Variants in GALNT17 observed in about 807,000 individuals in gnomAD.
GALNT17 encodes polypeptide N-acetylgalactosaminyltransferase 17, also known as UDP-GalNAc:polypeptide N-acetylgalactosaminyltransferase-like 3.
GALNT17 carries 29 observed loss-of-function variants against 63.7 expected under a neutral mutation model. The ratio of observed to expected loss-of-function variants is 0.46; its 90% CI spans 0.34 to 0.62. The LOEUF (loss-of-function observed/expected upper bound fraction) is 0.62, where lower values mean the gene tolerates loss of function less well. Ranked by LOEUF, GALNT17 falls within the 20% of genes least tolerant of loss-of-function variation. The pLI is 0.01. For synonymous variants in GALNT17, 305 were observed against 318.3 expected, an observed-to-expected ratio of 0.96 and a Z score of 0.45; for missense variants, 603 against 799.6, an observed-to-expected ratio of 0.75 and a Z score of 2.97.
chr7:71,457,065 A>T (rs946681699), intron 5 of GALNT17, among the ~76,000 whole-genome samples: 2 of 152,106 alleles, frequency 1.3e-5, no homozygotes, highest in Admixed American at 1.3e-4. Context: ...TTTTTACAAA[A>T]ACAATAGAGG....
intron 1 of GALNT17, among the ~76,000 whole-genome samples, chr7:71,176,848 A>G (rs1350556495): frequency 2.0e-5 from 3 of 152,144 alleles, no homozygotes; most frequent in African/African-American, 2.4e-5. Flanking sequence ...CGTTGATTTC[A>G]TCTAGCAGGC....
At chr7:71,616,283 C>T (rs1008140660) in intron 6 of GALNT17, among the ~76,000 whole-genome samples, 1 of 151,744 alleles carries the variant, frequency 6.6e-6, no homozygotes, top group Admixed American at 6.6e-5. Flanking sequence ...ATTCCAGATT[C>T]TTTCCCCCCC....
chr7:71,277,056 G>C (rs373980982), intron 1 of GALNT17, among the ~76,000 whole-genome samples: 1 of 152,012 alleles, frequency 6.6e-6, no homozygotes, highest in African/African-American at 2.4e-5. Flanking sequence ...TCTTCATAGC[G>C]GTATGAAAAT....
At chr7:71,415,183 A>G (rs901997425) in intron 3 of GALNT17, among the ~76,000 whole-genome samples, 2 of 152,008 alleles carry the variant, frequency 1.3e-5, no homozygotes, top group Non-Finnish European at 2.9e-5. Context: ...ATCAGTCTTT[A>G]TGTCTATAGA....
At chr7:71,656,647 A>T (rs1790832623) in intron 6 of GALNT17, among the ~76,000 whole-genome samples, 1 of 152,040 alleles carries the variant, frequency 6.6e-6, no homozygotes, top group Non-Finnish European at 1.5e-5. Flanking sequence ...AGCTTGCACC[A>T]AGGTGATGAG....
In GALNT17 at chr7:71,600,681, T is replaced by C. The variant is rs769939322; in HGVS notation, c.1080+29279T>C. ...GGACTGACCTGTGTCCCTGGAGGAATGGGACCTAAAGGAGCTGATTAGAGG... is the reference window on the plus strand; with the variant it reads ...GGACTGACCTGTGTCCCTGGAGGAACGGGACCTAAAGGAGCTGATTAGAGG... On this transcript the variant is annotated intron_variant, in intron 6 of 10. Transcript: ENST00000333538. 1.3e-3 allele frequency among the ~76,000 whole-genome samples: 191 copies of C among 152,318 alleles called. 1 individual carries two copies. Among genetic ancestry groups the C allele is most frequent in the African/African-American group, 4.3e-3 (180 of 41,576 alleles).
Position 71,259,266 on chromosome 7 carries a change from C to T in GALNT17, c.239-76284C>T, listed in dbSNP as rs927451814. ...TCAGAGGGAGTTGGAAAAGAAGGAG[C>T]AACAGAAGCAAGTTGTTCCAGCCAG... On this transcript the variant is annotated intron_variant, in intron 1 of 10. Coordinates refer to ENST00000333538, the MANE Select transcript of GALNT17 (RefSeq NM_022479.3). Among the ~76,000 whole-genome samples, 4 of 152,146 alleles carry T rather than the reference C, an allele frequency of 2.6e-5. No homozygotes were observed. The East Asian group carries it at 7.7e-4, about 29-fold the overall frequency.
At chr7:71,210,297 A>G (rs1789352322) in intron 1 of GALNT17, among the ~76,000 whole-genome samples, 1 of 152,030 alleles carries the variant, frequency 6.6e-6, no homozygotes, top group Non-Finnish European at 1.5e-5. Context: ...GGGAGATGCA[A>G]TTCAAGTTGA....
intron 5 of GALNT17, among the ~76,000 whole-genome samples, chr7:71,494,707 T>C (rs775721701): frequency 9.9e-5 from 15 of 151,968 alleles, no homozygotes; most frequent in Non-Finnish European, 1.9e-4. Flanking sequence ...TCTGTTCTCA[T>C]ACTGCTAATA....
At chr7:71,146,546 C>A (rs528597084) in intron 1 of GALNT17, among the ~76,000 whole-genome samples, 1 of 152,276 alleles carries the variant, frequency 6.6e-6, no homozygotes, top group African/African-American at 2.4e-5. Context: ...GCCCATGTGG[C>A]CCCTGGGAAG....
intron 1 of GALNT17, among the ~76,000 whole-genome samples, chr7:71,293,330 A>C (rs985294397): frequency 1.3e-5 from 2 of 152,290 alleles, no homozygotes; most frequent in South Asian, 2.1e-4. Flanking sequence ...TGCAGTGTAC[A>C]GGGTTTCCCT....
intron 6 of GALNT17, among the ~76,000 whole-genome samples, chr7:71,663,767 AG>A (rs1468020141): frequency 1.3e-5 from 2 of 152,192 alleles, no homozygotes; most frequent in East Asian, 1.9e-4. Context: ...AAAGTCAAGA[AG>A]GGGGTATGTA....
chr7:71,197,192 C>CTTTTTTT (rs34276195), intron 1 of GALNT17, among the ~76,000 whole-genome samples: 21 of 69,806 alleles, frequency 3.0e-4, no homozygotes, highest in East Asian at 4.7e-4. Flanking sequence ...CCCTGTTGTG[C>CTTTTTTT]TTTTTTTTTT....
At chr7:71,326,716 A>G (rs1791711403) in intron 1 of GALNT17, among the ~76,000 whole-genome samples, 1 of 152,190 alleles carries the variant, frequency 6.6e-6, no homozygotes, top group Non-Finnish European at 1.5e-5. Context: ...AACACTATTA[A>G]TATGAGATGT....
chr7:71,360,610 G>A (rs1481755112), intron 2 of GALNT17, among the ~76,000 whole-genome samples: 2 of 152,182 alleles, frequency 1.3e-5, no homozygotes, highest in African/African-American at 4.8e-5. Flanking sequence ...ATAAGAGTGT[G>A]TAAATTACAG....
At chr7:71,563,889 T>C (rs531386262) in intron 5 of GALNT17, among the ~76,000 whole-genome samples, 1 of 152,204 alleles carries the variant, frequency 6.6e-6, no homozygotes, top group South Asian at 2.1e-4. Flanking sequence ...AATTTTTTAA[T>C]TTTGTGTAGT....
At position 71,654,714 on chromosome 7, in the gene GALNT17, T is replaced by C. The variant is rs189586931; in HGVS notation, c.1081-10697T>C. ...CTTTAACTTCAGGTATCTATGTGCCTATGCTTTCAGGAAGAAAGCTTCTGA... is the reference window on the plus strand; with the variant it reads ...CTTTAACTTCAGGTATCTATGTGCCCATGCTTTCAGGAAGAAAGCTTCTGA... On this transcript the variant is annotated intron_variant, in intron 6 of 10. Coordinates refer to ENST00000333538, the MANE Select transcript of GALNT17 (RefSeq NM_022479.3). 2.0e-4 allele frequency among the ~76,000 whole-genome samples: 31 copies of C among 152,322 alleles called. No homozygotes were observed. The East Asian group carries it at 5.6e-3, about 28-fold the overall frequency.
chr7:71,280,564 C>T (rs62457835), intron 1 of GALNT17, among the ~76,000 whole-genome samples: 1,613 of 152,236 alleles, frequency 0.011, 15 homozygotes, highest in Middle Eastern at 0.017. Flanking sequence ...GAAGGGAAGA[C>T]GCAGAAATTT....
chr7:71,431,709 T>C (rs1388386873), intron 5 of GALNT17, among the ~76,000 whole-genome samples: 1 of 152,112 alleles, frequency 6.6e-6, no homozygotes, highest in Non-Finnish European at 1.5e-5. Context: ...GAGGAGATTT[T>C]TACCGGCTGA....
Sources: gnomAD v4.1 joint callset for allele counts (sites outside exome capture counted in the v4.1 genomes callset) on GRCh38, gnomAD v4.1.1 for gene constraint, MANE v1.5 for transcripts, NCBI Gene and HGNC (gene_info 2026-07-23, HGNC 2026-07-21) for gene names.